Variants in ZSWIM5 observed in about 807,000 individuals in gnomAD.
ZSWIM5 encodes zinc finger SWIM-type containing 5, also known as zinc finger SWIM domain-containing protein 5.
A neutral mutation model predicts 119.6 loss-of-function variants in ZSWIM5; 55 were observed. The observed-to-expected ratio is 0.46, with a 90% CI of 0.37 to 0.58. The LOEUF (loss-of-function observed/expected upper bound fraction) is 0.58, where lower values mean the gene tolerates loss of function less well. Ranked by LOEUF, ZSWIM5 falls within the 20% of genes least tolerant of loss-of-function variation. ZSWIM5 has a pLI of 0.00. For synonymous variants in ZSWIM5, 537 were observed against 606.9 expected, an observed-to-expected ratio of 0.88 and a Z score of 1.69; for missense variants, 1,193 against 1,512.8, an observed-to-expected ratio of 0.79 and a Z score of 3.51.
At chr1:45,161,530 T>C (rs1374792717) in intron 1 of ZSWIM5, among the ~76,000 whole-genome samples, 1 of 152,190 alleles carries the variant, frequency 6.6e-6, no homozygotes, top group East Asian at 1.9e-4. Flanking sequence ...TTGGAAAATA[T>C]GTGTTCTCTT....
At position 45,071,624 on chromosome 1, in the gene ZSWIM5, T is replaced by C. The variant is rs558116645; in HGVS notation, c.953-11377A>G. Among the ~76,000 whole-genome samples the C allele has an allele frequency of 3.9e-5, 6 of 152,006 alleles. No homozygotes were observed. The South Asian group carries it at 1.2e-3, about 32-fold the overall frequency. Reference sequence around the variant, plus strand: ...GTGCATGCCACCAACATCTGGCTACTTTTTTGTAATTTTTGTAGAGATAAG... The same window carrying C: ...GTGCATGCCACCAACATCTGGCTACCTTTTTGTAATTTTTGTAGAGATAAG... On this transcript the variant is annotated intron_variant, in intron 2 of 13. Transcript: ENST00000359600.
At chr1:45,023,905 T>C (rs568951895) in intron 11 of ZSWIM5, among the ~76,000 whole-genome samples, 17 of 152,356 alleles carry the variant, frequency 1.1e-4, no homozygotes, top group African/African-American at 3.8e-4. Flanking sequence ...TTAGCCATCC[T>C]AGTACTGTGT....
intron 2 of ZSWIM5, among the ~76,000 whole-genome samples, chr1:45,081,501 CG>C (rs545192828): frequency 3.9e-5 from 6 of 152,166 alleles, no homozygotes; most frequent in African/African-American, 1.4e-4. Flanking sequence ...TTGGTGGAGA[CG>C]GGGTTTCGCT....
At chr1:45,037,539 C>T (rs61788379) in intron 8 of ZSWIM5, among the ~76,000 whole-genome samples, 10,673 of 152,264 alleles carry the variant, frequency 0.07, 477 homozygotes, top group Non-Finnish European at 0.1. Context: ...AATGTGAACA[C>T]CTTAAAGGGA....
intron 1 of ZSWIM5, among the ~76,000 whole-genome samples, chr1:45,201,907 GTC>G (rs1646160373): frequency 6.6e-6 from 1 of 151,846 alleles, no homozygotes; most frequent in Non-Finnish European, 1.5e-5. Flanking sequence ...CAAAATTCAG[GTC>G]TCTCTCTGTT....
chr1:45,020,722 A>G lies in ZSWIM5; in HGVS notation c.2516T>C (p.Ile839Thr). ...IQKHIHSSSL[I>T]FKLAQDAFKI... ...GAATGCATCTTGGGCCAGTTTGAAG[A>G]TGAGGGAGGAAGAATGAATGTGCTT... is the stretch of plus-strand genomic sequence containing the variant. Residue 839 changes from isoleucine (I) to threonine (T), a missense_variant, in exon 12 of 14, where the codon ATC (isoleucine) becomes ACC (threonine). Ile to Thr is a moderately conservative substitution (Grantham distance 89, BLOSUM62 -1). This residue lies in a region of ZSWIM5 where 961 missense variants were observed against 1,290.0 expected (regional missense o/e 0.74). Coordinates refer to ENST00000359600, the MANE Select transcript of ZSWIM5 (RefSeq NM_020883.2). 1 of 1,614,190 alleles carries G rather than the reference A, an allele frequency of 6.2e-7. No homozygotes were observed. Among genetic ancestry groups the G allele is most frequent in the Non-Finnish European group, 8.5e-7 (1 of 1,180,024 alleles).
chr1:45,127,814 T>C (rs1024409933), intron 1 of ZSWIM5, among the ~76,000 whole-genome samples: 2 of 152,154 alleles, frequency 1.3e-5, no homozygotes, highest in Non-Finnish European at 2.9e-5. Context: ...AAATAAACTG[T>C]ATTTCTATAT....
chr1:45,080,582 A>G (rs1025477481), intron 2 of ZSWIM5, among the ~76,000 whole-genome samples: 1 of 152,056 alleles, frequency 6.6e-6, no homozygotes, highest in African/African-American at 2.4e-5. Flanking sequence ...TGAAGTTAAA[A>G]CCAGATATTG....
intron 4 of ZSWIM5, 150 bp from the exon 5 acceptor site, chr1:45,051,403 G>A (rs1645087744): frequency 6.3e-6 from 5 of 799,802 alleles, no homozygotes; most frequent in Non-Finnish European, 9.4e-6. Flanking sequence ...TTTCAGAACT[G>A]GCTTGTTTTT....
chr1:45,179,992 C>A (rs1016227210), intron 1 of ZSWIM5, among the ~76,000 whole-genome samples: 1 of 152,124 alleles, frequency 6.6e-6, no homozygotes, highest in African/African-American at 2.4e-5. Flanking sequence ...TCTACAGCTC[C>A]CAGTGTGAGC....
At chr1:45,136,172 A>C (rs2149032511) in intron 1 of ZSWIM5, among the ~76,000 whole-genome samples, 1 of 152,200 alleles carries the variant, frequency 6.6e-6, no homozygotes, top group African/African-American at 2.4e-5. Context: ...CAATGTGTGA[A>C]GTCTTGGTAG....
chr1:45,070,935 T>C (rs1487238206), intron 2 of ZSWIM5, among the ~76,000 whole-genome samples: 2 of 152,204 alleles, frequency 1.3e-5, no homozygotes, highest in Non-Finnish European at 2.9e-5. Flanking sequence ...ACCTGACTTC[T>C]CAAGTTATCT....
At chr1:45,080,133 G>A (rs1232668974) in intron 2 of ZSWIM5, among the ~76,000 whole-genome samples, 4 of 152,174 alleles carry the variant, frequency 2.6e-5, no homozygotes, top group Admixed American at 6.5e-5. Context: ...ACCCCAGCTG[G>A]TGTCTCAGTA....
intron 1 of ZSWIM5, among the ~76,000 whole-genome samples, chr1:45,109,344 T>C (rs555306885): frequency 6.0e-4 from 92 of 152,366 alleles, no homozygotes; most frequent in African/African-American, 2.2e-3. Context: ...ATCAAAATTA[T>C]ATTACTGTAC....
At chr1:45,071,393 G>A (rs1201096087) in intron 2 of ZSWIM5, among the ~76,000 whole-genome samples, 1 of 148,878 alleles carries the variant, frequency 6.7e-6, no homozygotes, top group African/African-American at 2.5e-5. Context: ...CTGTGCCTGG[G>A]TTATTTCACC....
chr1:45,084,682 C>T (rs1645314425), intron 2 of ZSWIM5, among the ~76,000 whole-genome samples: 1 of 152,252 alleles, frequency 6.6e-6, no homozygotes, highest in Non-Finnish European at 1.5e-5. Flanking sequence ...CCCAGCAGGG[C>T]AGTCACTAAA....
intron 11 of ZSWIM5, among the ~76,000 whole-genome samples, chr1:45,030,823 G>T: frequency 8.0e-6 from 1 of 125,532 alleles, no homozygotes; most frequent in South Asian, 2.5e-4. Flanking sequence ...TTGAGATAGA[G>T]TCTTACTCTG....
intron 1 of ZSWIM5, among the ~76,000 whole-genome samples, chr1:45,171,343 ACT>A (rs2149045326): frequency 6.6e-6 from 1 of 152,188 alleles, no homozygotes; most frequent in South Asian, 2.1e-4. Flanking sequence ...AGTAGCTAAG[ACT>A]CAAAAAATTA....
chr1:45,018,302 C>T lies in ZSWIM5; in HGVS notation c.*152G>A, dbSNP rs2148985297. On this transcript the variant is annotated 3_prime_UTR_variant, in exon 14 of 14. Coordinates refer to ENST00000359600, the MANE Select transcript of ZSWIM5 (RefSeq NM_020883.2). The surrounding 1 kb of genome is among the most constrained non-coding windows in gnomAD (Gnocchi z 6.7). ...CCAAGGTAGGCATTATCGACTAGAG[C>T]TGGACTTTCCCCATCCTTAGCCCTG... 3.2e-6 allele frequency: 3 copies of T among 943,670 alleles called. No individual in the cohort carries two copies. The South Asian group carries it at 5.1e-5, about 16-fold the overall frequency. 58.5% of individuals were successfully genotyped at this position (943,670 alleles called of 1,614,324 possible). A position where few individuals can be genotyped will look rare whatever the true frequency, so the allele number is the denominator to read the frequency against.
Sources: gnomAD v4.1 joint callset for allele counts (sites outside exome capture counted in the v4.1 genomes callset) on GRCh38, gnomAD v4.1.1 for gene constraint, gnomAD v4.1.1 regional missense constraint, Gnocchi (gnomAD v3.1) non-coding constraint, MANE v1.5 for transcripts, NCBI Gene and HGNC (gene_info 2026-07-23, HGNC 2026-07-21) for gene names.